Variants in TRAPPC9 observed in about 807,000 individuals in gnomAD.
TRAPPC9 encodes IKK2 binding protein.
A neutral mutation model predicts 124.0 loss-of-function variants in TRAPPC9; 83 were observed. That is an observed-to-expected ratio of 0.67 (90% CI 0.56 to 0.80). TRAPPC9 has a LOEUF of 0.80. Ranked by LOEUF, TRAPPC9 falls within the 30% of genes least tolerant of loss-of-function variation. TRAPPC9 has a pLI of 0.00. For synonymous variants in TRAPPC9, 638 were observed against 617.5 expected (o/e 1.03, Z -0.49); for missense variants, 1,302 against 1,508.3 (o/e 0.86, Z 2.27).
chr8:139,807,567 G>A lies in TRAPPC9; in HGVS notation c.3056-75365C>T, dbSNP rs576576431. Among the ~76,000 whole-genome samples the A allele has an allele frequency of 3.0e-3, 463 of 152,298 alleles. 1 individual carries two copies. Among genetic ancestry groups the A allele is most frequent in the Non-Finnish European group, 5.1e-3 (349 of 68,036 alleles). On this transcript the variant is annotated intron_variant, in intron 21 of 22. Coordinates refer to ENST00000438773, the MANE Select transcript of TRAPPC9 (RefSeq NM_001160372.4). ...AAACGCAATGAACAGCACAGGAGCC[G>A]ACAGGAGACGTCCTCAACACAACCA...
At chr8:140,458,448 C>T, upstream of TRAPPC9, 1 of 1,578,124 alleles carries the variant, frequency 6.3e-7, no homozygotes, top group Non-Finnish European at 8.6e-7. Flanking sequence ...CCGTGGCGCG[C>T]GCGGCCTGGG....
intron 17 of TRAPPC9, among the ~76,000 whole-genome samples, chr8:140,157,105 C>CTTTTCCATTCAAAAGCCTCCCT (rs751130350): frequency 2.2e-5 from 2 of 91,126 alleles, no homozygotes; most frequent in Non-Finnish European, 2.1e-5. Flanking sequence ...AGAAGCCTCC[C>CTTTTCCATTCAAAAGCCTCCCT]TTTCCATTCA....
intron 21 of TRAPPC9, among the ~76,000 whole-genome samples, chr8:139,818,805 C>T (rs536120523): frequency 6.6e-6 from 1 of 152,340 alleles, no homozygotes; most frequent in Non-Finnish European, 1.5e-5. Flanking sequence ...CCTCCGTCGC[C>T]TGGCAAAGCC....
chr8:140,035,454 G>A (rs1396411088), intron 17 of TRAPPC9, among the ~76,000 whole-genome samples: 4 of 152,204 alleles, frequency 2.6e-5, no homozygotes, highest in Non-Finnish European at 4.4e-5. Flanking sequence ...GCCAAACTAA[G>A]TACCTGCAGA....
intron 17 of TRAPPC9, among the ~76,000 whole-genome samples, chr8:140,211,738 C>A (rs1193558196): frequency 6.6e-6 from 1 of 152,160 alleles, no homozygotes; most frequent in African/African-American, 2.4e-5. Flanking sequence ...CCTTGCTTTG[C>A]CTCACTAATG....
chr8:140,266,674 T>C (rs1391999606), intron 15 of TRAPPC9, among the ~76,000 whole-genome samples: 21 of 151,864 alleles, frequency 1.4e-4, no homozygotes, highest in Non-Finnish European at 2.5e-4. Context: ...CTGGCTAACA[T>C]GGTGCAAACC....
intron 17 of TRAPPC9, among the ~76,000 whole-genome samples, chr8:140,091,597 C>T (rs1201254517): frequency 6.6e-6 from 1 of 152,146 alleles, no homozygotes; most frequent in African/African-American, 2.4e-5. Flanking sequence ...GAGGGAAAAC[C>T]TCATTATAAA....
chr8:140,225,213 G>A (rs770069692), intron 16 of TRAPPC9, among the ~76,000 whole-genome samples: 6 of 152,172 alleles, frequency 3.9e-5, no homozygotes, highest in Admixed American at 1.3e-4. Flanking sequence ...ATTCTTGTCA[G>A]ATTCACCATT....
chr8:139,938,487 G>A (rs563617880), intron 19 of TRAPPC9, among the ~76,000 whole-genome samples: 154 of 151,870 alleles, frequency 1.0e-3, no homozygotes, highest in African/African-American at 3.0e-3. Context: ...AGTTTTCACC[G>A]TGTTAGCCAG....
chr8:140,032,211 A>G (rs1281491409), intron 17 of TRAPPC9, among the ~76,000 whole-genome samples: 2 of 152,254 alleles, frequency 1.3e-5, no homozygotes. Context: ...TAAGAAGTGT[A>G]TTCAGTCATT....
At chr8:139,970,238 G>A (rs773215958) in intron 19 of TRAPPC9, among the ~76,000 whole-genome samples, 63 of 152,336 alleles carry the variant, frequency 4.1e-4, no homozygotes, top group Non-Finnish European at 7.1e-4. Flanking sequence ...CAGCTCTGCC[G>A]CCTGACGCTG....
At chr8:140,251,236 CA>C (rs1464680341) in intron 16 of TRAPPC9, among the ~76,000 whole-genome samples, 1 of 152,196 alleles carries the variant, frequency 6.6e-6, no homozygotes, top group Non-Finnish European at 1.5e-5. Flanking sequence ...CCAAGTGTTC[CA>C]GGGGCAGGTG....
chr8:140,030,894 G>T (rs543821060), intron 17 of TRAPPC9, among the ~76,000 whole-genome samples: 2 of 152,134 alleles, frequency 1.3e-5, no homozygotes, highest in African/African-American at 4.8e-5. Flanking sequence ...ACTATGGAGG[G>T]TGATAAAAAT....
chr8:140,413,791 G>A (rs559932260), intron 5 of TRAPPC9, among the ~76,000 whole-genome samples: 1 of 151,460 alleles, frequency 6.6e-6, no homozygotes, highest in East Asian at 2.0e-4. Flanking sequence ...ATAGTTTACT[G>A]AGAATGATGA....
chr8:140,159,380 T>C (rs1316918157), intron 17 of TRAPPC9, among the ~76,000 whole-genome samples: 1 of 152,084 alleles, frequency 6.6e-6, no homozygotes, highest in Non-Finnish European at 1.5e-5. Context: ...CAGGAGGTAA[T>C]TGTTGAATTA....
At chr8:139,993,030 A>G (rs1011242878) in intron 18 of TRAPPC9, among the ~76,000 whole-genome samples, 9 of 152,192 alleles carry the variant, frequency 5.9e-5, no homozygotes, top group Admixed American at 6.5e-5. Flanking sequence ...CATATAAAAT[A>G]TAAGGGAAAA....
intron 17 of TRAPPC9, among the ~76,000 whole-genome samples, chr8:140,059,057 A>T (rs1457659508): frequency 6.6e-6 from 1 of 152,244 alleles, no homozygotes; most frequent in African/African-American, 2.4e-5. Context: ...GTATACTTGT[A>T]TAATCCACAC....
chr8:140,155,870 A>G (rs1176587758), intron 17 of TRAPPC9, among the ~76,000 whole-genome samples: 2 of 152,216 alleles, frequency 1.3e-5, no homozygotes, highest in African/African-American at 4.8e-5. Context: ...GCAAACCTTT[A>G]AAATAACTTA....
intron 18 of TRAPPC9, among the ~76,000 whole-genome samples, chr8:140,006,126 A>G (rs1407967246): frequency 2.6e-5 from 4 of 152,214 alleles, no homozygotes; most frequent in Non-Finnish European, 5.9e-5. Flanking sequence ...CTATTCAAGT[A>G]AAAAGAACAG....
Sources: allele counts gnomAD v4.1 joint callset (sites outside exome capture counted in the v4.1 genomes callset), GRCh38; gene constraint gnomAD v4.1.1; transcripts MANE v1.5; gene names NCBI Gene and HGNC (gene_info 2026-07-23, HGNC 2026-07-21).